Variants in TMEM116 observed in about 807,000 individuals in gnomAD.
The protein encoded by TMEM116 is transmembrane protein 116.
Under a neutral mutation model 44.3 loss-of-function variants are expected in TMEM116, and 38 were observed. The observed-to-expected ratio is 0.86, with a 90% CI of 0.66 to 1.12. TMEM116 has a LOEUF of 1.12. Among genes scored for constraint, TMEM116 ranks in the 50% most tolerant of loss-of-function variants. TMEM116 has a pLI of 0.00. For synonymous variants in TMEM116, 132 were observed against 144.8 expected (o/e 0.91, Z 0.64); for missense variants, 354 against 401.7 (o/e 0.88, Z 1.01).
chr12:111,977,422 C>T (rs1036754677), intron 4 of TMEM116, among the ~76,000 whole-genome samples: 2 of 152,070 alleles, frequency 1.3e-5, no homozygotes, highest in African/African-American at 4.8e-5. Flanking sequence ...TGTTAATGTG[C>T]TAAATGCCAC....
At chr12:111,940,494 C>CACACACACACACACAA (rs2072653805) in intron 5 of TMEM116, among the ~76,000 whole-genome samples, 1 of 122,234 alleles carries the variant, frequency 8.2e-6, no homozygotes, top group African/African-American at 3.2e-5. Flanking sequence ...CACACACACA[C>CACACACACACACACAA]ACACATATAT....
At chr12:112,007,235 C>T (rs914697557) in intron 1 of TMEM116, among the ~76,000 whole-genome samples, 2 of 152,036 alleles carry the variant, frequency 1.3e-5, no homozygotes, top group Non-Finnish European at 2.9e-5. Flanking sequence ...GCCAACATGG[C>T]AAAACCTTTC....
At position 111,970,997 on chromosome 12, in the gene TMEM116, A is replaced by T. The variant is rs764042438; in HGVS notation, c.210+20761T>A. Among the ~76,000 whole-genome samples the T allele has an allele frequency of 3.9e-5, 6 of 152,224 alleles. No individual in the cohort carries two copies. The East Asian group carries it at 1.2e-3, about 29-fold the overall frequency. On this transcript the variant is annotated intron_variant, in intron 4 of 10. Transcript: ENST00000552374. ...AAGAATAATATCAGATTTCTTGTTG[A>T]AAACAATGCAAGCAAAAAGTGCAGT...
chr12:112,011,546 AC>A (rs376022131), intron 1 of TMEM116: 18 of 152,218 alleles, frequency 1.2e-4, no homozygotes, highest in African/African-American at 4.3e-4. Context: ...TGTGAATTCT[AC>A]CCTTTAAAAG....
At chr12:112,001,069 CT>C (rs1251190898) in intron 3 of TMEM116, 2 of 183,882 alleles carry the variant, frequency 1.1e-5, no homozygotes, top group African/African-American at 4.7e-5. Flanking sequence ...GTGCTTTCCT[CT>C]CTATCTGTCT....
At chr12:111,960,212 G>A (rs560466454) in intron 4 of TMEM116, among the ~76,000 whole-genome samples, 13 of 152,012 alleles carry the variant, frequency 8.6e-5, no homozygotes, top group South Asian at 2.1e-4. Flanking sequence ...AGAATCGGCC[G>A]GGCACAGTGG....
chr12:112,001,301 C>A (rs1160196412), intron 3 of TMEM116, among the ~76,000 whole-genome samples: 1 of 152,112 alleles, frequency 6.6e-6, no homozygotes, highest in African/African-American at 2.4e-5. Context: ...CCCACCCTCA[C>A]AGGGACATTC....
intron 4 of TMEM116, among the ~76,000 whole-genome samples, chr12:111,969,868 C>T (rs538893563): frequency 6.6e-6 from 1 of 152,312 alleles, no homozygotes; most frequent in South Asian, 2.1e-4. Flanking sequence ...GTGTGAGCCA[C>T]TGCGCCTGGC....
chr12:111,937,090 T>C, intron 7 of TMEM116, 70 bp downstream of exon 7: 1 of 1,420,856 alleles, frequency 7.0e-7, no homozygotes, highest in Non-Finnish European at 9.9e-7. Context: ...GAAAGTCTTT[T>C]TCCAGCTCTA....
intron 4 of TMEM116, among the ~76,000 whole-genome samples, chr12:111,956,530 G>A (rs914955048): frequency 2.0e-5 from 3 of 151,992 alleles, no homozygotes; most frequent in South Asian, 2.1e-4. Flanking sequence ...CATGGTCCTC[G>A]TCTCCCCTTT....
intron 4 of TMEM116, among the ~76,000 whole-genome samples, chr12:111,947,632 A>T (rs2073387956): frequency 6.6e-6 from 1 of 152,214 alleles, no homozygotes; most frequent in Non-Finnish European, 1.5e-5. Context: ...TGGTTATGGT[A>T]AACTTTCACC....
chr12:111,981,213 G>T (rs778459741), intron 4 of TMEM116, among the ~76,000 whole-genome samples: 1 of 151,986 alleles, frequency 6.6e-6, no homozygotes, highest in Admixed American at 6.6e-5. Context: ...TTCCACTAAC[G>T]CAACAATTAA....
intron 1 of TMEM116, among the ~76,000 whole-genome samples, chr12:112,009,955 G>C (rs1260318969): frequency 6.6e-6 from 1 of 152,114 alleles, no homozygotes; most frequent in African/African-American, 2.4e-5. Context: ...ACTGAGAAGT[G>C]AATAATTTTA....
At chr12:111,941,354 G>A (rs2072800862) in intron 5 of TMEM116, among the ~76,000 whole-genome samples, 1 of 145,480 alleles carries the variant, frequency 6.9e-6, no homozygotes, top group Non-Finnish European at 1.5e-5. Flanking sequence ...TCAGCCTGGC[G>A]ACAGAGCGAG....
intron 4 of TMEM116, among the ~76,000 whole-genome samples, chr12:111,989,807 T>C (rs903578137): frequency 6.6e-6 from 1 of 152,226 alleles, no homozygotes; most frequent in Admixed American, 6.5e-5. Context: ...GGAAAACGTA[T>C]CTGAAATGAT....
intron 1 of TMEM116, among the ~76,000 whole-genome samples, chr12:112,006,914 T>C (rs564884614): frequency 6.6e-6 from 1 of 152,324 alleles, no homozygotes; most frequent in East Asian, 1.9e-4. Context: ...AATTTATTCA[T>C]ATCAGGTTAA....
intron 4 of TMEM116, among the ~76,000 whole-genome samples, chr12:111,950,153 C>T (rs551946620): frequency 6.6e-6 from 1 of 151,116 alleles, no homozygotes; most frequent in South Asian, 2.1e-4. Context: ...AAAAAAACAA[C>T]CAAAAAAACC....
rs1055646925 is a variant in TMEM116, at chr12:111,934,047, C to G, written c.589-17G>C. On this transcript the variant is annotated splice_polypyrimidine_tract_variant and intron_variant, in intron 8 of 10. Coordinates refer to ENST00000552374, the MANE Select transcript of TMEM116 (RefSeq NM_001193531.2). Reference sequence around the variant, plus strand: ...AAGTAAGACCTAAATATGAGTACAGCAGTGAGCAGTTTGCTTAAAGCTTAG... The same window carrying G: ...AAGTAAGACCTAAATATGAGTACAGGAGTGAGCAGTTTGCTTAAAGCTTAG... 1 of 1,613,386 alleles carries G rather than the reference C, an allele frequency of 6.2e-7. No individual in the cohort carries two copies. The highest frequency in any genetic ancestry group is 8.5e-7 in the Non-Finnish European group (1 of 1,179,696).
At chr12:112,003,938 T>A (rs561596284) in intron 2 of TMEM116, 75 bp from the exon 3 acceptor site, 1 of 1,415,020 alleles carries the variant, frequency 7.1e-7, no homozygotes, top group Non-Finnish European at 9.2e-7. Context: ...TAATTTTGGG[T>A]TTTTTTTACA....
Sources: allele counts gnomAD v4.1 joint callset (sites outside exome capture counted in the v4.1 genomes callset), GRCh38; gene constraint gnomAD v4.1.1; transcripts MANE v1.5; gene names NCBI Gene and HGNC (gene_info 2026-07-23, HGNC 2026-07-21).